The following ZNF264 variants were observed in gnomAD, a reference collection of about 807,000 sequenced individuals.
ZNF264 encodes the protein zinc finger protein 264.
Under a neutral mutation model 11.2 loss-of-function variants are expected in ZNF264, and 11 were observed. That is an observed-to-expected ratio of 0.98 (90% CI 0.62 to 1.63). ZNF264 has a LOEUF of 1.63. ZNF264 is among the 40% of genes most tolerant of loss of function. The pLI is 0.00. For synonymous variants in ZNF264, 309 were observed against 279.8 expected (o/e 1.10, Z -1.04); for missense variants, 752 against 768.1 (o/e 0.98, Z 0.25).
In ZNF264 at chr19:57,217,804, T is replaced by C. The variant is rs1013492549; in HGVS notation, c.*4823T>C. The stretch of plus-strand genomic sequence containing the variant: ...TTGACCTTTTTTTTTTTTTTTTTTT[T>C]TTAAAGAGACAGAGTCTCACTCTGT... On this transcript the variant is annotated 3_prime_UTR_variant, in exon 4 of 4. Coordinates refer to ENST00000263095, the MANE Select transcript of ZNF264 (RefSeq NM_003417.5). 1.7e-5 allele frequency: 2 copies of C among 119,846 alleles called. No individual in the cohort carries two copies. Among genetic ancestry groups the C allele is most frequent in the African/African-American group, 3.6e-5 (1 of 27,984 alleles). 7.4% of individuals were successfully genotyped at this position (119,846 alleles called of 1,614,324 possible). A position where few individuals can be genotyped will look rare whatever the true frequency, so the allele number is the denominator to read the frequency against.
intron 2 of ZNF264, among the ~76,000 whole-genome samples, chr19:57,203,152 A>G (rs1342002326): frequency 4.6e-5 from 7 of 152,174 alleles, no homozygotes; most frequent in African/African-American, 1.7e-4. Context: ...CATGGTAAAC[A>G]GTTTAGAGCT....
chr19:57,193,156 C>T (rs1023640643), intron 1 of ZNF264, among the ~76,000 whole-genome samples: 3 of 152,070 alleles, frequency 2.0e-5, no homozygotes, highest in East Asian at 3.9e-4. Context: ...ACTGTTAGAC[C>T]GTGAATCATA....
rs1037893540 is a variant in ZNF264, at chr19:57,214,822, T to G, written c.*1841T>G. ...CACCAGTTGATGTCATTATGCTATTTTCCTTCTACATCCTATTGATGGAAT... is the reference window on the plus strand; with the variant it reads ...CACCAGTTGATGTCATTATGCTATTGTCCTTCTACATCCTATTGATGGAAT... On this transcript the variant is annotated 3_prime_UTR_variant, in exon 4 of 4. Transcript: ENST00000263095. 4 of 152,262 alleles carry G rather than the reference T, an allele frequency of 2.6e-5. No homozygotes were observed. The highest frequency in any genetic ancestry group is 9.6e-5 in the African/African-American group (4 of 41,478). The allele number at this position is 152,262 out of a possible 1,614,324, so 9.4% of individuals were successfully genotyped here.
chr19:57,201,306 G>A (rs143485158), intron 2 of ZNF264, among the ~76,000 whole-genome samples: 1 of 152,076 alleles, frequency 6.6e-6, no homozygotes, highest in East Asian at 1.9e-4. Flanking sequence ...TCCCTGGGTA[G>A]TAAAAAGAAG....
chr19:57,202,966 C>A (rs1568473839), intron 2 of ZNF264, among the ~76,000 whole-genome samples: 1 of 152,046 alleles, frequency 6.6e-6, no homozygotes. Flanking sequence ...AGTATGGGAA[C>A]AGAATTAGAG....
At chr19:57,211,290 T>C (rs2087332931) in intron 3 of ZNF264, 64 bp from the exon 4 acceptor site, 1 of 1,396,978 alleles carries the variant, frequency 7.2e-7, no homozygotes, top group East Asian at 2.4e-5. Flanking sequence ...ACAGAAATGG[T>C]AATATTCTTT....
rs1383873739 is a variant in ZNF264, at chr19:57,205,410, C to T, written c.174C>T (p.Pro58=). 13 of 1,610,600 alleles carry T rather than the reference C, an allele frequency of 8.1e-6. No homozygotes were observed. Among genetic ancestry groups the T allele is most frequent in the Non-Finnish European group, 1.1e-5 (13 of 1,178,652 alleles). The change falls in exon 3 of 4, where the codon CCC becomes CCT. Residue 58 remains proline (P), a synonymous_variant. Coordinates refer to ENST00000263095, the MANE Select transcript of ZNF264 (RefSeq NM_003417.5). ...GLLVSLGCPV[P]KAELICHLEH... ...CTCCATAAACAGGGTGTCCTGTTCC[C>T]AAAGCTGAGCTGATCTGCCACCTAG...
rs1022806959 is a variant in ZNF264 at position 57,221,976 on chromosome 19, G to C, written c.*8995G>C. The stretch of plus-strand genomic sequence containing the variant: ...TAAGTGGTACTAAAATGCTATATAA[G>C]TCAAATTTACGTAACATTAAGCAAA... On this transcript the variant is annotated 3_prime_UTR_variant, in exon 4 of 4. Transcript: ENST00000263095. 1 of 152,066 alleles carries C rather than the reference G, an allele frequency of 6.6e-6. No homozygotes were observed. The highest frequency in any genetic ancestry group is 1.5e-5 in the Non-Finnish European group (1 of 68,030). The allele number at this position is 152,066 out of a possible 1,614,324, so 9.4% of individuals were successfully genotyped here.
intron 3 of ZNF264, among the ~76,000 whole-genome samples, chr19:57,208,363 G>A (rs2087309705): frequency 6.6e-6 from 1 of 151,774 alleles, no homozygotes; most frequent in Admixed American, 6.6e-5. Flanking sequence ...TGGGAAACAT[G>A]GTGAGACCCC....
In ZNF264 at chr19:57,218,599, A is replaced by T. The variant is rs1397611265; in HGVS notation, c.*5618A>T. The T allele has an allele frequency of 3.9e-5, 6 of 152,170 alleles. No homozygotes were observed. The highest frequency in any genetic ancestry group is 8.8e-5 in the Non-Finnish European group (6 of 68,030). 9.4% of individuals were successfully genotyped at this position (152,170 alleles called of 1,614,324 possible). ...CTTGTCTTTTTTAGGGACTTCAATAACATGAGTGGCAGATCTTGTTTTACA... is the reference window on the plus strand; with the variant it reads ...CTTGTCTTTTTTAGGGACTTCAATATCATGAGTGGCAGATCTTGTTTTACA... On this transcript the variant is annotated 3_prime_UTR_variant, in exon 4 of 4. Transcript: ENST00000263095.
intron 2 of ZNF264, among the ~76,000 whole-genome samples, chr19:57,199,558 G>A (rs1353850688): frequency 2.6e-5 from 4 of 151,886 alleles, no homozygotes; most frequent in South Asian, 2.1e-4. Context: ...AACATTAAAT[G>A]CAGGATCCCT....
rs1165397105 is a variant in ZNF264 at position 57,205,474 on chromosome 19, T to C, written c.238T>C (p.Ser80Pro). The part of the protein sequence containing the change: ...QEPWTRKEDL[S>P]QDTCPGDKGK... The stretch of plus-strand genomic sequence containing the variant: ...GCCATGGACCAGGAAGGAAGACCTC[T>C]CCCAAGACACCTGTCCAGGTAGGAG... Residue 80 changes from serine (S) to proline (P), a missense_variant, in exon 3 of 4, where the codon TCC (serine) becomes CCC (proline). Coordinates refer to ENST00000263095, the MANE Select transcript of ZNF264 (RefSeq NM_003417.5). The C allele has an allele frequency of 1.6e-5, 26 of 1,611,214 alleles. No homozygotes were observed. The highest frequency in any genetic ancestry group is 2.1e-5 in the Non-Finnish European group (25 of 1,178,770).
chr19:57,195,946 G>A (rs555957475), intron 2 of ZNF264, among the ~76,000 whole-genome samples: 63 of 151,840 alleles, frequency 4.1e-4, no homozygotes, highest in Admixed American at 7.2e-4. Context: ...GATGTTGAGT[G>A]GTGCCATTTG....
chr19:57,192,814 C>T (rs1279331401), intron 1 of ZNF264, among the ~76,000 whole-genome samples: 2 of 152,280 alleles, frequency 1.3e-5, no homozygotes, highest in East Asian at 3.9e-4. Flanking sequence ...TCACTGCAGT[C>T]TCTGCCTCCC....
chr19:57,214,170 A>G lies in ZNF264; in HGVS notation c.*1189A>G, dbSNP rs1272481064. The G allele has an allele frequency of 6.6e-6, 1 of 152,198 alleles. No homozygotes were observed. The highest frequency in any genetic ancestry group is 1.5e-5 in the Non-Finnish European group (1 of 68,040). The allele number at this position is 152,198 out of a possible 1,614,324, so 9.4% of individuals were successfully genotyped here. On this transcript the variant is annotated 3_prime_UTR_variant, in exon 4 of 4. Coordinates refer to ENST00000263095, the MANE Select transcript of ZNF264 (RefSeq NM_003417.5). ...TTCTATATAGAAATGTCATCTGCAA[A>G]TACAGACCATTTTTTATCTTTCATC...
At chr19:57,208,427 C>G in intron 3 of ZNF264, among the ~76,000 whole-genome samples, 1 of 151,924 alleles carries the variant, frequency 6.6e-6, no homozygotes, top group Non-Finnish European at 1.5e-5. Flanking sequence ...GCCTGTGGTC[C>G]CAGCTATTCA....
In ZNF264 at chr19:57,212,138, G is replaced by A. The variant is rs1568476993; in HGVS notation, c.1041G>A (p.Glu347=). Residue 347 remains glutamate (E), a synonymous_variant, in exon 4 of 4, where the codon GAG becomes GAA. Transcript: ENST00000263095. ...GTGAGAATCCCTATGAGTGCTTGGAGTGTGGCAAGGTCTTCAAACACAGGT... is the reference window on the plus strand; with the variant it reads ...GTGAGAATCCCTATGAGTGCTTGGAATGTGGCAAGGTCTTCAAACACAGGT... ...HSGENPYECL[E]CGKVFKHRSY... 2.5e-6 allele frequency: 4 copies of A among 1,614,160 alleles called. No individual in the cohort carries two copies. Among genetic ancestry groups the A allele is most frequent in the Middle Eastern group, 3.3e-4 (2 of 6,062 alleles).
rs192516120 is a variant in ZNF264, at chr19:57,202,827, G to A, written c.161-2570G>A. Among the ~76,000 whole-genome samples, 138 of 151,900 alleles carry A rather than the reference G, an allele frequency of 9.1e-4. 1 individual carries two copies. Among genetic ancestry groups the A allele is most frequent in the Non-Finnish European group, 1.5e-3 (102 of 68,014 alleles). ...TAGTTGAACCCAAAGAGGGGGTCGC[G>A]GGAACCCCAACTCAAAGCCCATTAG... On this transcript the variant is annotated intron_variant, in intron 2 of 3. Transcript: ENST00000263095.
At position 57,211,748 on chromosome 19, in the gene ZNF264, C is replaced by G; in HGVS notation, c.651C>G (p.Leu217=). ...ECGKVFNKKH[L]LAGHEKIHSG... ...GAAAAGTATTTAACAAGAAACACCT[C>G]CTTGCTGGACATGAGAAAATTCACT... The change falls in exon 4 of 4, where the codon CTC becomes CTG. Residue 217 remains leucine, a synonymous_variant. Coordinates refer to ENST00000263095, the MANE Select transcript of ZNF264 (RefSeq NM_003417.5). The G allele has an allele frequency of 6.2e-7, 1 of 1,614,184 alleles. No homozygotes were observed. The highest frequency in any genetic ancestry group is 8.5e-7 in the Non-Finnish European group (1 of 1,180,044).
Sources: gnomAD v4.1 joint callset for allele counts (sites outside exome capture counted in the v4.1 genomes callset) on GRCh38, gnomAD v4.1.1 for gene constraint, MANE v1.5 for transcripts, NCBI Gene and HGNC (gene_info 2026-07-23, HGNC 2026-07-21) for gene names.